COG8: variants seen among roughly 807,000 people sequenced by gnomAD.
COG8 encodes component of oligomeric golgi complex 8, also known as conserved oligomeric Golgi complex subunit 8.
Under a neutral mutation model 46.5 loss-of-function variants are expected in COG8, and 45 were observed. The observed-to-expected ratio is 0.97, with a 90% CI of 0.76 to 1.24. The LOEUF (loss-of-function observed/expected upper bound fraction) is 1.24. Ranked by LOEUF, COG8 falls within the 50% of genes most tolerant of loss-of-function variation. The pLI, the probability that COG8 is intolerant of heterozygous loss-of-function variation, is 0.00. For missense variants in COG8, 793 were observed against 820.8 expected (o/e 0.97, Z 0.41); for synonymous variants, 407 against 347.8 (o/e 1.17, Z -1.90).
intron 5 of COG8, 149 bp downstream of exon 5, chr16:69,330,664 G>C (rs112744495): frequency 1.9e-5 from 26 of 1,396,638 alleles, no homozygotes; most frequent in East Asian, 8.2e-5. Context: ...GCGAAGCCGC[G>C]ACTGGATCCC....
intron 5 of COG8, chr16:69,329,936 C>T (rs1307077747): frequency 1.4e-6 from 2 of 1,457,432 alleles, no homozygotes; most frequent in Admixed American, 2.6e-5. Flanking sequence ...TGCGCTCTCG[C>T]GGAGTCGGGC....
In COG8 at chr16:69,328,983, G is replaced by T; in HGVS notation, c.*223C>A. On this transcript the variant is annotated 3_prime_UTR_variant, in exon 6 of 6. Coordinates refer to ENST00000306875, the MANE Select transcript of COG8 (RefSeq NM_032382.5). ...CCCAGCTCAAAGTGAAAGTGTTTGC[G>T]TCTTGGTATCCGGAATCCTCAGCCC... 6.3e-7 allele frequency: 1 copy of T among 1,585,856 alleles called. No homozygotes were observed.
Position 69,339,520 on chromosome 16 carries a change from G to A in COG8, c.33C>T (p.Ala11=), listed in dbSNP as rs772221653. The A allele has an allele frequency of 7.5e-6, 12 of 1,607,966 alleles. No individual in the cohort carries two copies. Among genetic ancestry groups the A allele is most frequent in the South Asian group, 1.1e-5 (1 of 90,996 alleles). MATAATIPSV[A]TATAAALGEV... ...CGCCGAGAGCCGCTGCTGTGGCCGT[G>A]GCTACCGATGGGATAGTCGCCGCGG... The change falls in exon 1 of 6, where the codon GCC becomes GCT. Residue 11 remains alanine, a synonymous_variant. Coordinates refer to ENST00000306875, the MANE Select transcript of COG8 (RefSeq NM_032382.5).
At position 69,335,238 on chromosome 16, in the gene COG8, C is replaced by T; in HGVS notation, c.696G>A (p.Leu232=). The T allele has an allele frequency of 1.9e-6, 3 of 1,614,084 alleles. No homozygotes were observed. Among genetic ancestry groups the T allele is most frequent in the Non-Finnish European group, 2.5e-6 (3 of 1,179,998 alleles). Residue 232 remains leucine (L), a synonymous_variant, in exon 3 of 6, where the codon CTG becomes CTA. Transcript: ENST00000306875. ...CCTCAGTGAAGACGTCCATGCGCCG[C>T]AGGTAGCCAATGACACGGAGGCAGG... is the stretch of plus-strand genomic sequence containing the variant. ...LPACLRVIGY[L]RRMDVFTEAE...
Position 69,339,453 on chromosome 16 carries a change from G to A in COG8, c.100C>T (p.Arg34Cys), listed in dbSNP as rs1484424932. ...EGLLASLFRD[R>C]FPEAQWRERP... ...TCGCGCCACTGGGCCTCGGGGAAGC[G>A]GTCCCGGAACAGCGACGCCAGGAGC... The change falls in exon 1 of 6, where the codon CGC (arginine) becomes TGC (cysteine). Residue 34 changes from arginine to cysteine, a missense_variant. Transcript: ENST00000306875. 3 of 1,596,302 alleles carry A rather than the reference G, an allele frequency of 1.9e-6. No homozygotes were observed. Among genetic ancestry groups the A allele is most frequent in the South Asian group, 1.1e-5 (1 of 89,962 alleles).
chr16:69,336,386 C>T, intron 2 of COG8, 119 bp downstream of exon 2: 1 of 882,440 alleles, frequency 1.1e-6, no homozygotes, highest in Non-Finnish European at 1.8e-6. Context: ...TCAGGCATAC[C>T]TGGCTGGCAG....
rs1567432558 is a variant in COG8, at chr16:69,336,683, C to G, written c.407G>C (p.Ser136Thr). 8 of 1,614,106 alleles carry G rather than the reference C, an allele frequency of 5.0e-6. No homozygotes were observed. The highest frequency in any genetic ancestry group is 6.8e-6 in the Non-Finnish European group (8 of 1,180,026). The change falls in exon 2 of 6, where the codon AGC becomes ACC. Residue 136 changes from serine to threonine, a missense_variant. Coordinates refer to ENST00000306875, the MANE Select transcript of COG8 (RefSeq NM_032382.5). ...RNFVKEAEEI[S>T]SNRRMNSLTL... The stretch of plus-strand genomic sequence containing the variant: ...CAGGCTATTCATCCGGCGGTTGGAG[C>G]TGATCTCCTCGGCTTCCTTCACAAA...
intron 4 of COG8, 144 bp from the exon 5 acceptor site, chr16:69,331,239 GGTCAGGAATTC>G: frequency 1.2e-6 from 1 of 837,480 alleles, no homozygotes; most frequent in South Asian, 1.4e-5. Flanking sequence ...GATCACCTGA[GGTCAGGAATTC>G]GAGACCAGCC....
rs905658865 is a variant in COG8, at chr16:69,328,214, G to C, written c.*992C>G. 2.0e-5 allele frequency: 3 copies of C among 152,114 alleles called. No homozygotes were observed. In the South Asian group the frequency reaches 6.2e-4, roughly 32 times the overall value. 9.4% of individuals were successfully genotyped at this position (152,114 alleles called of 1,614,324 possible). A position where few individuals can be genotyped will look rare whatever the true frequency, so the allele number is the denominator to read the frequency against. Reference sequence around the variant, plus strand: ...ACCCGCCCCGCCCTCCCAAAGTGCTGGGATTACAGGCGTGAACCACTGCAC... The same window carrying C: ...ACCCGCCCCGCCCTCCCAAAGTGCTCGGATTACAGGCGTGAACCACTGCAC... On this transcript the variant is annotated 3_prime_UTR_variant, in exon 6 of 6. Transcript: ENST00000306875.
Position 69,334,886 on chromosome 16 carries a change from T to C in COG8, c.1048A>G (p.Met350Val), listed in dbSNP as rs1017545207. The change falls in exon 3 of 6, where the codon ATG becomes GTG. Residue 350 changes from methionine to valine, a missense_variant. Met to Val is a conservative substitution (Grantham distance 21). Coordinates refer to ENST00000306875, the MANE Select transcript of COG8 (RefSeq NM_032382.5). Reference sequence around the variant, plus strand: ...CGGCTGAAGGACAGCCCAAAGTACATGCACTGGCCCAGCAGAGAGTCCAGG... The same window carrying C: ...CGGCTGAAGGACAGCCCAAAGTACACGCACTGGCCCAGCAGAGAGTCCAGG... ...GHLDSLLGQC[M>V]YFGLSFSRVG... The C allele has an allele frequency of 5.0e-6, 8 of 1,613,992 alleles. No homozygotes were observed. The highest frequency in any genetic ancestry group is 6.8e-6 in the Non-Finnish European group (8 of 1,180,030).
chr16:69,334,650 C>G lies in COG8; in HGVS notation c.1284G>C (p.Val428=), dbSNP rs1460885407. 18 of 1,614,080 alleles carry G rather than the reference C, an allele frequency of 1.1e-5. No individual in the cohort carries two copies. Among genetic ancestry groups the G allele is most frequent in the Non-Finnish European group, 1.5e-5 (18 of 1,180,042 alleles). Residue 428 remains valine (V), a synonymous_variant, in exon 3 of 6, where the codon GTG becomes GTC. Coordinates refer to ENST00000306875, the MANE Select transcript of COG8 (RefSeq NM_032382.5). ...TQPGTLQPPM[V]LLDFPPLACF... is the part of the protein sequence containing the mutation. ...AGGCGAGGGGTGGGAAATCTAGGAGCACCATGGGTGGCTGCAGCGTCCCCG... is the reference window on the plus strand; with the variant it reads ...AGGCGAGGGGTGGGAAATCTAGGAGGACCATGGGTGGCTGCAGCGTCCCCG...
At position 69,335,058 on chromosome 16, in the gene COG8, G is replaced by A. The variant is rs902387373; in HGVS notation, c.876C>T (p.Ile292=). The A allele has an allele frequency of 6.2e-7, 1 of 1,614,236 alleles. No homozygotes were observed. The highest frequency in any genetic ancestry group is 1.7e-5 in the Admixed American group (1 of 60,016). The change falls in exon 3 of 6, where the codon ATC becomes ATT. Residue 292 remains isoleucine, a synonymous_variant. Transcript: ENST00000306875. The part of the protein sequence containing the change: ...LFDIITQYRA[I]FSDEDPLLPP... Reference sequence around the variant, plus strand: ...GCAGCAGTGGGTCCTCGTCTGAGAAGATGGCACGGTACTGGGTGATGATAT... The same window carrying A: ...GCAGCAGTGGGTCCTCGTCTGAGAAAATGGCACGGTACTGGGTGATGATAT...
chr16:69,330,989 G>A lies in COG8; in HGVS notation c.1689C>T (p.Phe563=). ...GCCCCAGCGCCTGGTCATCCAGGGTGAAAAGCGTCTCTCTCTTTGGCAGGA... is the reference window on the plus strand; with the variant it reads ...GCCCCAGCGCCTGGTCATCCAGGGTAAAAAGCGTCTCTCTCTTTGGCAGGA... The part of the protein sequence containing the change: ...AFILPKRETL[F]TLDDQALGPE... The change falls in exon 5 of 6, where the codon TTC becomes TTT. Residue 563 remains phenylalanine, a synonymous_variant. Transcript: ENST00000306875. 6.2e-7 allele frequency: 1 copy of A among 1,607,606 alleles called. No individual in the cohort carries two copies. The highest frequency in any genetic ancestry group is 8.5e-7 in the Non-Finnish European group (1 of 1,177,354).
intron 2 of COG8, among the ~76,000 whole-genome samples, 155 bp from the exon 3 acceptor site, chr16:69,335,503 ATCAGG>A (rs1367351443): frequency 6.6e-6 from 1 of 152,148 alleles, no homozygotes; most frequent in African/African-American, 2.4e-5. Flanking sequence ...ACCAACAAAG[ATCAGG>A]TTAGTTAACT....
rs749161216 is a variant in COG8, at chr16:69,330,847, C to T, written c.1831G>A (p.Gly611Arg). The T allele has an allele frequency of 3.8e-5, 59 of 1,539,094 alleles. 1 individual carries two copies. In the East Asian group the frequency reaches 1.3e-3, roughly 35 times the overall value. Reference protein sequence around the residue: ...AETQAEPPSVGP With the variant: ...AETQAEPPSVRP ...GAGGCAGGGGACGCCGGCTAGGGCC[C>T]CACGCTGGGCGGTTCGGCCTGCGTC... Residue 611 changes from glycine (G) to arginine (R), a missense_variant, in exon 5 of 6, where the codon GGG becomes AGG. Gly to Arg is a moderately radical substitution (Grantham distance 125). Transcript: ENST00000306875.
At chr16:69,330,154 C>T in intron 5 of COG8, 1 of 1,546,076 alleles carries the variant, frequency 6.5e-7, no homozygotes. Flanking sequence ...GGAGCGCGCG[C>T]TGGCGGGGCG....
In COG8 at chr16:69,339,227, G is replaced by A. The variant is rs761245032; in HGVS notation, c.326C>T (p.Ala109Val). Residue 109 changes from alanine (A) to valine (V), a missense_variant, in exon 1 of 6, where the codon GCG becomes GTG. Transcript: ENST00000306875. ...RIHRLFGDVE[A>V]SLGRLLDRLP... ...ACGGTCGAGCAGGCGGCCGAGCGAC[G>A]CCTCCACGTCGCCAAACAGGCGGTG... The A allele has an allele frequency of 6.2e-7, 1 of 1,612,770 alleles. No individual in the cohort carries two copies. The highest frequency in any genetic ancestry group is 1.1e-5 in the South Asian group (1 of 91,066).
rs911936186 is a variant in COG8, at chr16:69,330,802, A to G, written c.*26+11T>C. On this transcript the variant is annotated intron_variant, in intron 5 of 5. Coordinates refer to ENST00000306875, the MANE Select transcript of COG8 (RefSeq NM_032382.5). ...CAGTCCTGGCCACCCCGCGCCGGGAACCTCACGCACCGCGTTCTGGAGGCA... is the reference window on the plus strand; with the variant it reads ...CAGTCCTGGCCACCCCGCGCCGGGAGCCTCACGCACCGCGTTCTGGAGGCA... 6.6e-7 allele frequency: 1 copy of G among 1,519,252 alleles called. No homozygotes were observed. Among genetic ancestry groups the G allele is most frequent in the South Asian group, 1.2e-5 (1 of 81,406 alleles). 94.1% of individuals were successfully genotyped at this position (1,519,252 alleles called of 1,614,324 possible).
chr16:69,339,316 C>A lies in COG8; in HGVS notation c.237G>T (p.Thr79=). The A allele has an allele frequency of 6.2e-7, 1 of 1,610,686 alleles. No homozygotes were observed. The highest frequency in any genetic ancestry group is 8.5e-7 in the Non-Finnish European group (1 of 1,179,264). Residue 79 remains threonine, a synonymous_variant, in exon 1 of 6, where the codon ACG becomes ACT. Coordinates refer to ENST00000306875, the MANE Select transcript of COG8 (RefSeq NM_032382.5). ...TGTAGTTAGCGAAGGCCAAGTCGCGCGTCTGCTGCAGCAGCTGCGCCCGCT... is the reference window on the plus strand; with the variant it reads ...TGTAGTTAGCGAAGGCCAAGTCGCGAGTCTGCTGCAGCAGCTGCGCCCGCT... ...AEERAQLLQQ[T]RDLAFANYKT... is the part of the protein sequence containing the mutation.
Sources: gnomAD v4.1 joint callset for allele counts (sites outside exome capture counted in the v4.1 genomes callset) on GRCh38, gnomAD v4.1.1 for gene constraint, MANE v1.5 for transcripts, NCBI Gene and HGNC (gene_info 2026-07-23, HGNC 2026-07-21) for gene names.